The following TSGA10 variants were observed in gnomAD, a reference collection of about 807,000 sequenced individuals.
The protein encoded by TSGA10 is testis-specific gene 10 protein.
Under a neutral mutation model 96.6 loss-of-function variants are expected in TSGA10, and 43 were observed. That is an observed-to-expected ratio of 0.44 (90% CI 0.35 to 0.57). TSGA10 has a LOEUF of 0.57. TSGA10 is among the 20% of genes least tolerant of loss of function. The pLI is 0.01. For missense variants in TSGA10, 703 were observed against 834.4 expected (o/e 0.84, Z 1.94); for synonymous variants, 229 against 269.9 (o/e 0.85, Z 1.48).
At chr2:99,116,210 A>T (rs2092249962) in intron 4 of TSGA10, among the ~76,000 whole-genome samples, 2 of 152,224 alleles carry the variant, frequency 1.3e-5, no homozygotes, top group African/African-American at 4.8e-5. Flanking sequence ...TTCACAAGCT[A>T]TCATTTAAAA....
chr2:99,138,551 G>A (rs1243017765), intron 1 of TSGA10, among the ~76,000 whole-genome samples: 1 of 152,180 alleles, frequency 6.6e-6, no homozygotes. Context: ...AAGTCTGAAG[G>A]GGACTAATGA....
chr2:99,085,345 C>T (rs2088138587), intron 10 of TSGA10, among the ~76,000 whole-genome samples: 1 of 151,938 alleles, frequency 6.6e-6, no homozygotes, highest in Admixed American at 6.6e-5. Flanking sequence ...TGGCTCATGT[C>T]TATAATCCTA....
chr2:99,079,502 A>G (rs77544517), intron 11 of TSGA10, among the ~76,000 whole-genome samples: 3 of 152,180 alleles, frequency 2.0e-5, no homozygotes, highest in African/African-American at 7.2e-5. Context: ...GACCTACTGA[A>G]TCAGAAATTC....
chr2:99,004,497 G>C (rs572623676), intron 20 of TSGA10, among the ~76,000 whole-genome samples: 1 of 152,028 alleles, frequency 6.6e-6, no homozygotes, highest in South Asian at 2.1e-4. Flanking sequence ...ACTACCATCA[G>C]AGAATACTAC....
At chr2:99,074,617 T>C (rs981107106) in intron 12 of TSGA10, among the ~76,000 whole-genome samples, 13 of 152,184 alleles carry the variant, frequency 8.5e-5, no homozygotes, top group African/African-American at 3.1e-4. Context: ...TATAATTTAA[T>C]ACATTTCTAA....
intron 16 of TSGA10, among the ~76,000 whole-genome samples, chr2:99,047,984 G>A (rs1206630693): frequency 1.3e-5 from 2 of 152,112 alleles, no homozygotes; most frequent in East Asian, 3.8e-4. Flanking sequence ...GCTTCAAAGA[G>A]AATAAAATAC....
chr2:99,088,089 A>T (rs977977866), intron 10 of TSGA10, among the ~76,000 whole-genome samples: 1 of 152,230 alleles, frequency 6.6e-6, no homozygotes, highest in African/African-American at 2.4e-5. Context: ...AAAGAACTAG[A>T]TAAAATTAAT....
chr2:99,031,985 C>G (rs1045232776), intron 17 of TSGA10, among the ~76,000 whole-genome samples: 1 of 152,182 alleles, frequency 6.6e-6, no homozygotes, highest in African/African-American at 2.4e-5. Flanking sequence ...CTTAATAAAT[C>G]AATTGCTTGC....
At chr2:99,081,201 G>C (rs1403330067) in intron 11 of TSGA10, 81 bp downstream of exon 11, 1 of 690,282 alleles carries the variant, frequency 1.4e-6, no homozygotes, top group Non-Finnish European at 2.3e-6. Context: ...GTTTTTCTAT[G>C]TTATACTGAA....
intron 4 of TSGA10, among the ~76,000 whole-genome samples, chr2:99,116,839 A>T (rs140500707): frequency 2.7e-3 from 413 of 152,350 alleles, no homozygotes; most frequent in African/African-American, 9.4e-3. Context: ...AATCAGGGTA[A>T]TGGGGATATC....
At chr2:99,045,649 T>A (rs1438989587) in intron 16 of TSGA10, among the ~76,000 whole-genome samples, 1 of 152,194 alleles carries the variant, frequency 6.6e-6, no homozygotes, top group African/African-American at 2.4e-5. Flanking sequence ...GTAAAGACCA[T>A]TGATGCTAGG....
intron 16 of TSGA10, among the ~76,000 whole-genome samples, chr2:99,044,598 C>T (rs2082547820): frequency 6.6e-6 from 1 of 151,856 alleles, no homozygotes; most frequent in Admixed American, 6.6e-5. Flanking sequence ...ATTTTAACAC[C>T]CCAATGTCAA....
chr2:99,142,099 C>T (rs370800564), intron 1 of TSGA10: 2 of 152,260 alleles, frequency 1.3e-5, no homozygotes, highest in Non-Finnish European at 2.9e-5. Flanking sequence ...AATCCCCTCA[C>T]CTTAAAGTGA....
At chr2:99,133,307 C>G (rs898283385) in intron 1 of TSGA10, among the ~76,000 whole-genome samples, 3 of 152,136 alleles carry the variant, frequency 2.0e-5, no homozygotes, top group Admixed American at 2.0e-4. Flanking sequence ...ATTAGCTCTT[C>G]TTGTTGCATT....
At chr2:99,092,281 G>A (rs536376658) in intron 10 of TSGA10, among the ~76,000 whole-genome samples, 14 of 152,092 alleles carry the variant, frequency 9.2e-5, no homozygotes, top group African/African-American at 2.9e-4. Flanking sequence ...ATACAGCAAA[G>A]GCAGTGCTAA....
chr2:99,015,873 A>G (rs1377382558), intron 20 of TSGA10, among the ~76,000 whole-genome samples: 1 of 152,190 alleles, frequency 6.6e-6, no homozygotes, highest in Non-Finnish European at 1.5e-5. Context: ...AAACAAATCA[A>G]TAACTCAACT....
intron 10 of TSGA10, among the ~76,000 whole-genome samples, chr2:99,092,508 A>G (rs918876067): frequency 6.6e-6 from 1 of 152,196 alleles, no homozygotes; most frequent in Admixed American, 6.5e-5. Context: ...TGAAAAGATA[A>G]GTAAAATTGA....
intron 12 of TSGA10, among the ~76,000 whole-genome samples, chr2:99,074,000 CTTT>C (rs1167854716): frequency 5.7e-5 from 3 of 52,632 alleles, no homozygotes; most frequent in Non-Finnish European, 1.1e-4. Flanking sequence ...TGTTTCTTTT[CTTT>C]TTTTTTTTTT....
At chr2:99,035,653 A>G (rs896885) in intron 16 of TSGA10, among the ~76,000 whole-genome samples, 146,557 of 149,784 alleles carry the variant, frequency 0.98, 71,748 homozygotes, top group Middle Eastern at 1. Flanking sequence ...CATGAGCAGG[A>G]TGGTCAACTG....
Sources: gnomAD v4.1 joint callset for allele counts (sites outside exome capture counted in the v4.1 genomes callset) on GRCh38, gnomAD v4.1.1 for gene constraint, MANE v1.5 for transcripts, NCBI Gene and HGNC (gene_info 2026-07-23, HGNC 2026-07-21) for gene names.